The following PLA2G4E variants were observed in gnomAD, a reference collection of about 807,000 sequenced individuals.
The protein encoded by PLA2G4E is cytosolic phospholipase A2 epsilon.
Under a neutral mutation model 109.1 loss-of-function variants are expected in PLA2G4E, and 84 were observed. The ratio of observed to expected loss-of-function variants is 0.77; its 90% CI spans 0.65 to 0.92. The LOEUF (loss-of-function observed/expected upper bound fraction) is 0.92. PLA2G4E is among the 40% of genes least tolerant of loss of function. The probability of loss-of-function intolerance (pLI) is 0.00; values close to 1 mark genes in which losing one functional copy is unlikely to be tolerated. For missense variants in PLA2G4E, 1,057 were observed against 1,076.6 expected (o/e 0.98, Z 0.25); for synonymous variants, 469 against 436.1 (o/e 1.08, Z -0.94).
chr15:42,010,773 C>T lies in PLA2G4E; in HGVS notation c.257-2908G>A, dbSNP rs183562176. Among the ~76,000 whole-genome samples the T allele has an allele frequency of 9.2e-5, 14 of 152,296 alleles. No individual in the cohort carries two copies. The East Asian group carries it at 2.5e-3, about 27-fold the overall frequency. ...TCTCAAGAGAAACAAAAACTCCTGA[C>T]AACTGGGAGGTTTCTAGGCCTGATT... On this transcript the variant is annotated intron_variant, in intron 2 of 19. Coordinates refer to ENST00000399518, the Ensembl canonical transcript of PLA2G4E.
chr15:42,005,275 C>A (rs549122315), intron 4 of PLA2G4E, among the ~76,000 whole-genome samples: 2 of 152,226 alleles, frequency 1.3e-5, no homozygotes, highest in African/African-American at 4.8e-5. Context: ...GGCTTCCCAC[C>A]GCTCTCCTGC....
chr15:42,028,244 C>A (rs1014095423), intron 1 of PLA2G4E, among the ~76,000 whole-genome samples: 2 of 152,114 alleles, frequency 1.3e-5, no homozygotes, highest in Admixed American at 6.6e-5. Context: ...AGGATAAGAA[C>A]CTTGCTCAAG....
chr15:42,047,409 G>C (rs1889433648), intron 1 of PLA2G4E, among the ~76,000 whole-genome samples: 1 of 152,152 alleles, frequency 6.6e-6, no homozygotes, highest in African/African-American at 2.4e-5. Context: ...GAGAGCAACA[G>C]GGTGCAGAAC....
rs529492088 is a variant in PLA2G4E at position 42,007,717 on chromosome 15, T to C, written c.393+12A>G. ...CAGACAGGGAAGACAGGTGCAGTCC[T>C]CCATGTCTCACCTTCACTCGGCTCT... On this transcript the variant is annotated intron_variant, in intron 3 of 19. Transcript: ENST00000399518. The C allele has an allele frequency of 1.1e-5, 18 of 1,609,832 alleles. No individual in the cohort carries two copies. The highest frequency in any genetic ancestry group is 1.7e-5 in the Admixed American group (1 of 59,594).
chr15:41,983,594 C>CT, exon 20 of PLA2G4E: 3 of 646,066 alleles, frequency 4.6e-6, no homozygotes, highest in Non-Finnish European at 7.9e-6. Flanking sequence ...ACTTTCTCAA[C>CT]TTTTTAAAAT....
intron 1 of PLA2G4E, among the ~76,000 whole-genome samples, chr15:42,020,154 G>T (rs2068634679): frequency 6.6e-6 from 1 of 152,252 alleles, no homozygotes; most frequent in Admixed American, 6.5e-5. Context: ...ACTGAACAGG[G>T]TCTTCATCTC....
intron 1 of PLA2G4E, among the ~76,000 whole-genome samples, chr15:42,030,379 A>G (rs1889091051): frequency 6.6e-6 from 1 of 152,206 alleles, no homozygotes; most frequent in African/African-American, 2.4e-5. Flanking sequence ...AAAACGCCCC[A>G]GATCAATGCC....
intron 1 of PLA2G4E, among the ~76,000 whole-genome samples, chr15:42,043,580 A>C (rs1024357058): frequency 3.5e-5 from 5 of 140,974 alleles, no homozygotes; most frequent in Non-Finnish European, 6.2e-5. Flanking sequence ...AAAAAAAAAA[A>C]AAAACAACCA....
chr15:42,050,571 C>T, exon 1 of PLA2G4E: 1 of 1,550,474 alleles, frequency 6.4e-7, no homozygotes, highest in Non-Finnish European at 8.7e-7. Context: ...CCAGGAGTGT[C>T]CAGGTCCTGT....
exon 15 of PLA2G4E, chr15:41,989,485 G>T: frequency 6.2e-7 from 1 of 1,613,976 alleles, no homozygotes; most frequent in Non-Finnish European, 8.5e-7. Flanking sequence ...CGGAGCCGAA[G>T]AGCTCGGAGG....
intron 1 of PLA2G4E, among the ~76,000 whole-genome samples, chr15:42,026,215 C>T (rs1411057906): frequency 6.6e-6 from 1 of 151,988 alleles, no homozygotes; most frequent in African/African-American, 2.4e-5. Flanking sequence ...CATACTAATA[C>T]AAACAGTATA....
intron 1 of PLA2G4E, among the ~76,000 whole-genome samples, chr15:42,023,919 G>A (rs889867889): frequency 6.6e-6 from 1 of 152,182 alleles, no homozygotes; most frequent in Admixed American, 6.5e-5. Context: ...ATCCTCTGTG[G>A]TGCCTCTGTC....
chr15:42,047,980 C>T (rs55905344), intron 1 of PLA2G4E, among the ~76,000 whole-genome samples: 23,208 of 152,174 alleles, frequency 0.15, 1,830 homozygotes, highest in Middle Eastern at 0.21. Context: ...GCTAACCCCC[C>T]TCCCGGGCAT....
At chr15:42,046,923 T>G (rs1889426601) in intron 1 of PLA2G4E, among the ~76,000 whole-genome samples, 1 of 152,112 alleles carries the variant, frequency 6.6e-6, no homozygotes, top group Non-Finnish European at 1.5e-5. Flanking sequence ...GGTTACTGGA[T>G]GACAATATGC....
chr15:42,047,407 C>G (rs1452399361), intron 1 of PLA2G4E, among the ~76,000 whole-genome samples: 1 of 152,162 alleles, frequency 6.6e-6, no homozygotes, highest in Non-Finnish European at 1.5e-5. Flanking sequence ...GAGAGAGCAA[C>G]AGGGTGCAGA....
intron 1 of PLA2G4E, among the ~76,000 whole-genome samples, chr15:42,019,936 T>C (rs941867370): frequency 2.2e-4 from 34 of 152,238 alleles, no homozygotes; most frequent in African/African-American, 8.2e-4. Flanking sequence ...AGGTAAACTC[T>C]GTCACCTCTG....
chr15:41,984,181 C>T (rs1226638297), intron 19 of PLA2G4E, among the ~76,000 whole-genome samples: 2 of 152,180 alleles, frequency 1.3e-5, no homozygotes, highest in Non-Finnish European at 2.9e-5. Context: ...TGGAGGATTG[C>T]CCTAGCACCA....
In PLA2G4E at chr15:42,001,206, GGAGACTTGTC is replaced by G. The variant is rs1269145248; in HGVS notation, c.614_623del (p.Arg205ProfsTer18). On this transcript the variant is annotated frameshift_variant, in exon 7 of 20. Transcript: ENST00000399518. LOFTEE classifies it high-confidence loss of function. The stretch of plus-strand genomic sequence containing the variant: ...TGGATTGTGCATGAACCTCCAGGCA[GGAGACTTGTC>G]GAGACTGTAAAAAACAAAGGAGGGT... 6.2e-7 allele frequency: 1 copy of G among 1,613,654 alleles called. No homozygotes were observed. Among genetic ancestry groups the G allele is most frequent in the Non-Finnish European group, 8.5e-7 (1 of 1,179,610 alleles).
At chr15:41,985,991 C>T in exon 18 of PLA2G4E, 2 of 1,595,608 alleles carry the variant, frequency 1.3e-6, no homozygotes, top group Non-Finnish European at 1.7e-6. Context: ...TTTGGGAAAC[C>T]ATCTAGCACT....
Sources: gnomAD v4.1 joint callset for allele counts (sites outside exome capture counted in the v4.1 genomes callset) on GRCh38, gnomAD v4.1.1 for gene constraint, MANE v1.5 for transcripts, NCBI Gene and HGNC (gene_info 2026-07-23, HGNC 2026-07-21) for gene names.